Variants in PHF20 observed in about 807,000 individuals in gnomAD.
PHF20 encodes the protein PHD finger protein 20.
Under a neutral mutation model 113.5 loss-of-function variants are expected in PHF20, and 23 were observed. The ratio of observed to expected loss-of-function variants is 0.20; its 90% CI spans 0.15 to 0.29. PHF20 has a LOEUF of 0.29. Among genes scored for constraint, PHF20 ranks in the 10% least tolerant of loss-of-function variants. PHF20 has a pLI of 1.00. For synonymous variants in PHF20, 434 were observed against 457.3 expected (o/e 0.95, Z 0.65); for missense variants, 943 against 1,219.6 (o/e 0.77, Z 3.38).
At chr20:35,884,873 C>A (rs1188196714) in intron 9 of PHF20, among the ~76,000 whole-genome samples, 1 of 152,064 alleles carries the variant, frequency 6.6e-6, no homozygotes, top group Non-Finnish European at 1.5e-5. Context: ...CTCTTTCGCC[C>A]AAGCTGGAGT....
intron 10 of PHF20, among the ~76,000 whole-genome samples, chr20:35,906,428 C>A (rs2055201707): frequency 6.6e-6 from 1 of 152,154 alleles, no homozygotes; most frequent in African/African-American, 2.4e-5. Context: ...GGTCCCCGGG[C>A]CTTGCTTTCT....
chr20:35,827,907 G>A (rs970368615), intron 2 of PHF20, among the ~76,000 whole-genome samples: 5 of 152,100 alleles, frequency 3.3e-5, no homozygotes, highest in African/African-American at 1.2e-4. Flanking sequence ...AATGTAAAAA[G>A]GGGGCAGTAA....
rs766847030 is a variant in PHF20 at position 35,914,023 on chromosome 20, G to C, written c.1661-10G>C. The C allele has an allele frequency of 1.2e-6, 2 of 1,613,798 alleles. No homozygotes were observed. On this transcript the variant is annotated splice_polypyrimidine_tract_variant and intron_variant, in intron 11 of 17. Coordinates refer to ENST00000374012, the MANE Select transcript of PHF20 (RefSeq NM_016436.5). ...GGGTTATTCATTCCTTCCTGATCCT[G>C]TTCTTCCAGAATGCCCCTGCAGTGA...
At chr20:35,779,767 C>T (rs548925427) in intron 1 of PHF20, among the ~76,000 whole-genome samples, 154 of 152,104 alleles carry the variant, frequency 1.0e-3, no homozygotes, top group African/African-American at 3.3e-3. Flanking sequence ...GTGATCCACC[C>T]GCCTCGGCCT....
chr20:35,852,376 C>T (rs931183125), intron 4 of PHF20, among the ~76,000 whole-genome samples: 6 of 152,162 alleles, frequency 3.9e-5, no homozygotes, highest in Non-Finnish European at 8.8e-5. Flanking sequence ...GTCCCAGCTC[C>T]TGCTCAGTGA....
intron 13 of PHF20, among the ~76,000 whole-genome samples, 192 bp from the exon 14 acceptor site, chr20:35,927,588 A>G (rs1324156492): frequency 1.3e-5 from 2 of 152,204 alleles, no homozygotes; most frequent in Non-Finnish European, 2.9e-5. Flanking sequence ...ACATGTGGCT[A>G]GTGGCTACCA....
rs2055921073 is a variant in PHF20 at position 35,938,882 on chromosome 20, C to T, written c.2486C>T (p.Ser829Phe). The T allele has an allele frequency of 1.2e-5, 19 of 1,614,066 alleles. No homozygotes were observed. In the East Asian group the frequency reaches 4.2e-4, roughly 36 times the overall value. The stretch of plus-strand genomic sequence containing the variant: ...CCCCTGGCCCTGCCCCTGCCGCGTT[C>T]TGTGGAGGAATCCTATATCACCAGT... ...PRPLALPLPR[S>F]VEESYITSEH... is the part of the protein sequence containing the mutation. The change falls in exon 16 of 18, where the codon TCT becomes TTT. Residue 829 changes from serine (S) to phenylalanine (F), a missense_variant. Ser to Phe is a radical substitution (Grantham distance 155). Transcript: ENST00000374012.
intron 2 of PHF20, among the ~76,000 whole-genome samples, chr20:35,807,504 C>T (rs1432215067): frequency 1.3e-5 from 2 of 151,994 alleles, no homozygotes; most frequent in East Asian, 3.9e-4. Context: ...CAGATGCCCG[C>T]CACCATGCCT....
intron 2 of PHF20, among the ~76,000 whole-genome samples, chr20:35,816,212 C>T (rs2042071532): frequency 6.6e-6 from 1 of 152,192 alleles, no homozygotes; most frequent in Non-Finnish European, 1.5e-5. Flanking sequence ...ACCTCAGCCT[C>T]CCAAAGTTCT....
intron 16 of PHF20, among the ~76,000 whole-genome samples, chr20:35,940,069 G>A (rs916285301): frequency 6.6e-6 from 1 of 152,228 alleles, no homozygotes; most frequent in Non-Finnish European, 1.5e-5. Flanking sequence ...AATGGGGCCA[G>A]TGAAGCCCCC....
rs773224660 is a variant in PHF20 at position 35,869,518 on chromosome 20, C to T, written c.889C>T (p.Pro297Ser). The change falls in exon 7 of 18, where the codon CCA becomes TCA. Residue 297 changes from proline to serine, a missense_variant. Pro to Ser is a moderately conservative substitution (Grantham distance 74). Around this residue, in one of 3 missense-constraint regions of PHF20, gnomAD observed 592 missense variants for 787.2 expected, o/e 0.75. Coordinates refer to ENST00000374012, the MANE Select transcript of PHF20 (RefSeq NM_016436.5). Reference sequence around the variant, plus strand: ...GAAAATATCAAAAGGATGTGAAGTCCCATTAAAACGTCCTCGGCTTGACAA... The same window carrying T: ...GAAAATATCAAAAGGATGTGAAGTCTCATTAAAACGTCCTCGGCTTGACAA... ...RRKISKGCEV[P>S]LKRPRLDKNS... 1.9e-5 allele frequency: 31 copies of T among 1,608,242 alleles called. No individual in the cohort carries two copies. In the Admixed American group the frequency reaches 2.4e-4, roughly 12 times the overall value.
chr20:35,925,345 C>T (rs1427816172), intron 13 of PHF20, among the ~76,000 whole-genome samples: 9 of 151,550 alleles, frequency 5.9e-5, no homozygotes, highest in African/African-American at 1.5e-4. Flanking sequence ...CTGCAACCTC[C>T]GCCTCCTAGG....
intron 15 of PHF20, among the ~76,000 whole-genome samples, chr20:35,932,679 C>T (rs2055784070): frequency 6.6e-6 from 1 of 152,170 alleles, no homozygotes; most frequent in African/African-American, 2.4e-5. Flanking sequence ...GATCCACCCA[C>T]CTCGGCCTCC....
chr20:35,835,365 C>T (rs989518078), intron 2 of PHF20, among the ~76,000 whole-genome samples: 3 of 152,092 alleles, frequency 2.0e-5, no homozygotes, highest in African/African-American at 7.2e-5. Context: ...TGAGAAGGCC[C>T]TCAGAGTAGG....
intron 4 of PHF20, among the ~76,000 whole-genome samples, chr20:35,856,155 C>T (rs1399097422): frequency 4.6e-5 from 7 of 152,084 alleles, no homozygotes; most frequent in Admixed American, 6.6e-5. Context: ...TCTCTATCTC[C>T]GTAAGTTCAA....
In PHF20 at chr20:35,910,785, C is replaced by T. The variant is rs139902304; in HGVS notation, c.1562-2464C>T. Among the ~76,000 whole-genome samples, 529 of 152,088 alleles carry T rather than the reference C, an allele frequency of 3.5e-3. 4 individuals are homozygous for T. The highest frequency in any genetic ancestry group is 0.024 in the Middle Eastern group (7 of 292). On this transcript the variant is annotated intron_variant, in intron 10 of 17. Transcript: ENST00000374012. The stretch of plus-strand genomic sequence containing the variant: ...CTGGGATTACAGGCATGAGCCACCA[C>T]ACCCAGCTAATTTTTGTATTTTTAG...
intron 9 of PHF20, among the ~76,000 whole-genome samples, chr20:35,894,431 C>T (rs2054938974): frequency 6.6e-6 from 1 of 152,174 alleles, no homozygotes; most frequent in South Asian, 2.1e-4. Context: ...CTAGCTTGCA[C>T]AGCTAATTTA....
intron 13 of PHF20, among the ~76,000 whole-genome samples, chr20:35,922,697 G>T (rs556368615): frequency 3.9e-5 from 6 of 152,206 alleles, no homozygotes; most frequent in South Asian, 2.1e-4. Flanking sequence ...TCGCTGTAGA[G>T]CATGTTTTGT....
At chr20:35,912,382 G>C (rs2147081189) in intron 10 of PHF20, among the ~76,000 whole-genome samples, 1 of 152,344 alleles carries the variant, frequency 6.6e-6, no homozygotes, top group African/African-American at 2.4e-5. Flanking sequence ...ACTGTGAAGG[G>C]AGAAGTTTGG....
Sources: allele counts gnomAD v4.1 joint callset (sites outside exome capture counted in the v4.1 genomes callset), GRCh38; gene constraint gnomAD v4.1.1; regional missense constraint gnomAD v4.1.1; transcripts MANE v1.5; gene names NCBI Gene and HGNC (gene_info 2026-07-23, HGNC 2026-07-21).